The following ZNF385D variants were observed in gnomAD, a reference collection of about 807,000 sequenced individuals.
ZNF385D encodes zinc finger protein 659.
Under a neutral mutation model 35.8 loss-of-function variants are expected in ZNF385D, and 15 were observed. The observed-to-expected ratio is 0.42, with a 90% CI of 0.28 to 0.64. The LOEUF (loss-of-function observed/expected upper bound fraction) is 0.64, where lower values mean the gene tolerates loss of function less well. ZNF385D is among the 30% of genes least tolerant of loss of function. The pLI is 0.23. For missense variants in ZNF385D, 474 were observed against 494.6 expected (o/e 0.96, Z 0.39); for synonymous variants, 212 against 186.8 (o/e 1.13, Z -1.10).
intron 3 of ZNF385D, among the ~76,000 whole-genome samples, chr3:22,036,525 G>T (rs1220679073): frequency 2.6e-5 from 4 of 151,870 alleles, no homozygotes; most frequent in East Asian, 1.9e-4. Flanking sequence ...AAAATGGAAA[G>T]AAATAGTAGT....
At chr3:22,176,307 CTGTT>C (rs1356159333) in intron 2 of ZNF385D, among the ~76,000 whole-genome samples, 1 of 152,086 alleles carries the variant, frequency 6.6e-6, no homozygotes, top group African/African-American at 2.4e-5. Flanking sequence ...ATAATCTAAA[CTGTT>C]TGTCACATGT....
chr3:21,515,755 T>C (rs955984885), intron 3 of ZNF385D, among the ~76,000 whole-genome samples: 2 of 152,164 alleles, frequency 1.3e-5, no homozygotes, highest in Non-Finnish European at 2.9e-5. Flanking sequence ...ATCCCCACCT[T>C]GTTCAGGGCT....
chr3:22,081,969 T>A (rs1332869181), intron 3 of ZNF385D, among the ~76,000 whole-genome samples: 1 of 149,652 alleles, frequency 6.7e-6, no homozygotes, highest in Non-Finnish European at 1.5e-5. Context: ...GGCAGTTACT[T>A]ATTTTGTGGT....
chr3:22,129,125 G>C (rs1419517451), intron 3 of ZNF385D, among the ~76,000 whole-genome samples: 2 of 152,150 alleles, frequency 1.3e-5, no homozygotes, highest in Non-Finnish European at 2.9e-5. Context: ...AGATCCAGGA[G>C]AATTCCATGG....
At chr3:22,132,001 G>C (rs1229018984) in intron 3 of ZNF385D, among the ~76,000 whole-genome samples, 1 of 152,172 alleles carries the variant, frequency 6.6e-6, no homozygotes, top group Non-Finnish European at 1.5e-5. Flanking sequence ...GTGCAGGCCT[G>C]AAGTAGGAGA....
intron 3 of ZNF385D, among the ~76,000 whole-genome samples, chr3:21,885,740 CTGTGTGTGTGTGTG>C (rs3074769): frequency 9.9e-5 from 10 of 101,262 alleles, no homozygotes; most frequent in Middle Eastern, 5.4e-3. Flanking sequence ...GTGTCTGTGT[CTGTGTGTGTGTGTG>C]TGTGTGTGTG....
chr3:21,907,663 G>T (rs185968837), intron 3 of ZNF385D, among the ~76,000 whole-genome samples: 11 of 152,112 alleles, frequency 7.2e-5, no homozygotes, highest in Admixed American at 3.3e-4. Context: ...CCTTCACAAT[G>T]GTTGTTCCTA....
intron 3 of ZNF385D, among the ~76,000 whole-genome samples, chr3:22,009,140 T>A (rs1440705158): frequency 1.3e-5 from 2 of 152,108 alleles, no homozygotes; most frequent in Non-Finnish European, 2.9e-5. Context: ...AACACACATA[T>A]CCTCAAACCT....
intron 2 of ZNF385D, among the ~76,000 whole-genome samples, chr3:22,180,125 A>G (rs1315691656): frequency 2.0e-5 from 3 of 152,220 alleles, no homozygotes; most frequent in Non-Finnish European, 4.4e-5. Flanking sequence ...ATCCCACAGA[A>G]ATACAAACTA....
In ZNF385D at chr3:22,359,244, G is replaced by A. The variant is rs187366444; in HGVS notation, c.106+13206C>T. Among the ~76,000 whole-genome samples, 84 of 151,684 alleles carry A rather than the reference G, an allele frequency of 5.5e-4. No homozygotes were observed. In the East Asian group the frequency reaches 5.8e-3, roughly 11 times the overall value. Reference sequence around the variant, plus strand: ...GCTGGGAGGACACTGGAATTGATTCGATTAACTTAAAATATACACAGAAGT... The same window carrying A: ...GCTGGGAGGACACTGGAATTGATTCAATTAACTTAAAATATACACAGAAGT... On this transcript the variant is annotated intron_variant, in intron 2 of 5. Transcript: ENST00000494108.
chr3:22,108,968 C>T (rs1029910695), intron 3 of ZNF385D, among the ~76,000 whole-genome samples: 8 of 152,122 alleles, frequency 5.3e-5, no homozygotes, highest in African/African-American at 9.7e-5. Context: ...GCCAAGATTA[C>T]ACCACTGCAC....
At chr3:22,087,753 G>A (rs1701120814) in intron 3 of ZNF385D, among the ~76,000 whole-genome samples, 1 of 152,102 alleles carries the variant, frequency 6.6e-6, no homozygotes, top group African/African-American at 2.4e-5. Flanking sequence ...GAACAGATAG[G>A]TGAGTTAGAA....
intron 3 of ZNF385D, among the ~76,000 whole-genome samples, chr3:21,978,929 C>T (rs1045082060): frequency 1.3e-5 from 2 of 152,012 alleles, no homozygotes; most frequent in Non-Finnish European, 1.5e-5. Context: ...AAAAACAAAA[C>T]ATATTTTCTT....
chr3:21,502,569 T>A (rs1706460378), intron 4 of ZNF385D, among the ~76,000 whole-genome samples: 1 of 152,200 alleles, frequency 6.6e-6, no homozygotes, highest in Non-Finnish European at 1.5e-5. Context: ...AATTTCCTCA[T>A]GCACAACAAA....
At chr3:21,488,688 G>C (rs576753911) in intron 4 of ZNF385D, among the ~76,000 whole-genome samples, 1 of 152,044 alleles carries the variant, frequency 6.6e-6, no homozygotes, top group Non-Finnish European at 1.5e-5. Context: ...TAATAGCTCT[G>C]TAGAAACAGG....
At chr3:21,935,286 G>GATTC (rs1701204559) in intron 3 of ZNF385D, among the ~76,000 whole-genome samples, 1 of 152,108 alleles carries the variant, frequency 6.6e-6, no homozygotes, top group East Asian at 1.9e-4. Context: ...CAATAAAACA[G>GATTC]ATTCATTCGT....
chr3:22,009,183 C>T (rs1240516250), intron 3 of ZNF385D, among the ~76,000 whole-genome samples: 1 of 152,096 alleles, frequency 6.6e-6, no homozygotes, highest in African/African-American at 2.4e-5. Context: ...TTTAGGTATA[C>T]AGCCTATTAA....
At chr3:21,766,876 T>A (rs186879327) in intron 3 of ZNF385D, among the ~76,000 whole-genome samples, 1 of 152,054 alleles carries the variant, frequency 6.6e-6, no homozygotes, top group South Asian at 2.1e-4. Context: ...TGGAAAGGAT[T>A]TGTGGCTATG....
intron 1 of ZNF385D, among the ~76,000 whole-genome samples, chr3:21,712,355 T>G (rs2068145011): frequency 6.6e-6 from 1 of 152,144 alleles, no homozygotes; most frequent in South Asian, 2.1e-4. Context: ...TATTCTCCAG[T>G]GAACACCTGC....
Sources: gnomAD v4.1 joint callset for allele counts (sites outside exome capture counted in the v4.1 genomes callset) on GRCh38, gnomAD v4.1.1 for gene constraint, MANE v1.5 for transcripts, NCBI Gene and HGNC (gene_info 2026-07-23, HGNC 2026-07-21) for gene names.